Variants in REV1 observed in about 807,000 individuals in gnomAD.
REV1 encodes the protein translesion synthesis protein REV1.
A neutral mutation model predicts 137.4 loss-of-function variants in REV1; 42 were observed. The observed-to-expected ratio is 0.31, with a 90% CI of 0.24 to 0.40. REV1 has a LOEUF of 0.40. Among genes scored for constraint, REV1 ranks in the 10% least tolerant of loss-of-function variants. The pLI is 1.00. For synonymous variants in REV1, 524 were observed against 519.2 expected, an observed-to-expected ratio of 1.01 and a Z score of -0.12; for missense variants, 1,282 against 1,490.1, an observed-to-expected ratio of 0.86 and a Z score of 2.30.
In REV1 at chr2:99,402,947, G is replaced by A. The variant is rs1357603457; in HGVS notation, c.3326C>T (p.Pro1109Leu). ...TAGAAACCCATCAATTAACTTCTGG[G>A]GACTGCCACAGGCCCCTGGCAGAGT... Reference protein sequence around the residue: ...AKTLPGACGSPQKLIDGFLKH... With the variant: ...AKTLPGACGSLQKLIDGFLKH... Residue 1109 changes from proline to leucine, a missense_variant, in exon 20 of 23, where the codon CCC (proline) becomes CTC (leucine). Pro to Leu is a moderately conservative substitution (Grantham distance 98). Around this residue, in one of 7 missense-constraint regions of REV1, gnomAD observed 170 missense variants for 156.8 expected, o/e 1.08. Coordinates refer to ENST00000258428, the MANE Select transcript of REV1 (RefSeq NM_016316.4). 4 of 1,614,148 alleles carry A rather than the reference G, an allele frequency of 2.5e-6. No homozygotes were observed. The highest frequency in any genetic ancestry group is 3.4e-6 in the Non-Finnish European group (4 of 1,180,022).
At chr2:99,424,123 A>T (rs749697390) in intron 10 of REV1, 29 bp downstream of exon 10, 2 of 1,603,750 alleles carry the variant, frequency 1.2e-6, no homozygotes, top group Non-Finnish European at 1.7e-6. Context: ...GAAAACACAG[A>T]CACAAAATGA....
At chr2:99,420,330 C>T (rs1678492021) in intron 11 of REV1, among the ~76,000 whole-genome samples, 1 of 152,160 alleles carries the variant, frequency 6.6e-6, no homozygotes, top group African/African-American at 2.4e-5. Flanking sequence ...AACCTCTTAC[C>T]TGGAAGCACA....
At chr2:99,412,251 C>T (rs1677261016) in intron 13 of REV1, among the ~76,000 whole-genome samples, 2 of 103,482 alleles carry the variant, frequency 1.9e-5, no homozygotes, top group Admixed American at 1.1e-4. Context: ...AAGTGAGACT[C>T]CATCTCAAAA....
intron 9 of REV1, among the ~76,000 whole-genome samples, chr2:99,427,272 CA>C (rs1233529513): frequency 5.9e-5 from 9 of 152,122 alleles, no homozygotes; most frequent in African/African-American, 2.2e-4. Flanking sequence ...TGGGTCCTTA[CA>C]AAAGCACAAG....
intron 7 of REV1, 111 bp downstream of exon 7, chr2:99,435,723 C>T (rs558460444): frequency 1.2e-5 from 7 of 584,932 alleles, no homozygotes; most frequent in East Asian, 3.3e-5. Context: ...TTGGAAGAAC[C>T]GATTTTCCCA....
rs1205602730 is a variant in REV1, at chr2:99,438,556, C to A, written c.1213+45G>T. On this transcript the variant is annotated intron_variant, in intron 6 of 22. Transcript: ENST00000258428. ...AATAATAGCATAAGAGCAAAATGATCAAGCATGACTGTTTCTTAAGAAGAC... is the reference window on the plus strand; with the variant it reads ...AATAATAGCATAAGAGCAAAATGATAAAGCATGACTGTTTCTTAAGAAGAC... 2.1e-6 allele frequency: 3 copies of A among 1,435,792 alleles called. No homozygotes were observed. In the Admixed American group the frequency reaches 5.2e-5, roughly 25 times the overall value. 88.9% of individuals were successfully genotyped at this position (1,435,792 alleles called of 1,614,324 possible). A position where few individuals can be genotyped will look rare whatever the true frequency, so the allele number is the denominator to read the frequency against.
Position 99,464,999 on chromosome 2 carries a change from G to GAAA in REV1, c.-10-17_-10-15dup. 1 of 1,487,810 alleles carries GAAA rather than the reference G, an allele frequency of 6.7e-7. No individual in the cohort carries two copies. The highest frequency in any genetic ancestry group is 9.1e-7 in the Non-Finnish European group (1 of 1,097,612). 92.2% of individuals were successfully genotyped at this position (1,487,810 alleles called of 1,614,324 possible). On this transcript the variant is annotated splice_polypyrimidine_tract_variant and intron_variant, in intron 1 of 22. Transcript: ENST00000258428. ...ATGGTGGAGCTTCTGTATTGGGGAG[G>GAAA]AAAAAAAAAATGTCAATTTTATAAC... is the stretch of plus-strand genomic sequence containing the variant.
At chr2:99,448,583 T>A (rs534055682) in intron 4 of REV1, among the ~76,000 whole-genome samples, 6 of 152,192 alleles carry the variant, frequency 3.9e-5, no homozygotes, top group Non-Finnish European at 7.3e-5. Context: ...GTCCACATTA[T>A]CTTGATGTAT....
At chr2:99,402,066 G>A (rs1559270630) in intron 22 of REV1, among the ~76,000 whole-genome samples, 178 bp downstream of exon 22, 1 of 152,150 alleles carries the variant, frequency 6.6e-6, no homozygotes, top group Admixed American at 6.5e-5. Context: ...GTAAGACCTT[G>A]AGGGCAACAT....
chr2:99,482,854 T>C (rs1417389795), intron 1 of REV1, among the ~76,000 whole-genome samples: 3 of 151,844 alleles, frequency 2.0e-5, no homozygotes, highest in Admixed American at 2.0e-4. Flanking sequence ...CCGTCTCTAC[T>C]AAAAATACAA....
At chr2:99,452,093 C>T (rs989884841) in intron 3 of REV1, among the ~76,000 whole-genome samples, 1 of 151,900 alleles carries the variant, frequency 6.6e-6, no homozygotes, top group Non-Finnish European at 1.5e-5. Flanking sequence ...TTGTATTTAA[C>T]ACTCTCCTTT....
chr2:99,402,464 G>T, intron 21 of REV1, 118 bp from the exon 22 acceptor site: 2 of 801,764 alleles, frequency 2.5e-6, no homozygotes, highest in Non-Finnish European at 4.1e-6. Context: ...GCTATCAAAG[G>T]AATGGGCTTT....
At chr2:99,455,314 C>A (rs917769078) in intron 3 of REV1, among the ~76,000 whole-genome samples, 3 of 152,134 alleles carry the variant, frequency 2.0e-5, no homozygotes, top group Non-Finnish European at 4.4e-5. Context: ...ACAGAGAAAA[C>A]TTACTGTGCA....
chr2:99,408,326 AAG>A lies in REV1; in HGVS notation c.2346-197_2346-196del, dbSNP rs199866273. ...TAGTTACACTGGCAACCAAGGGGGA[AAG>A]AAAAATTATGGAACACTAGAACTTT... On this transcript the variant is annotated intron_variant, in intron 14 of 22. Transcript: ENST00000258428. The A allele has an allele frequency of 1.6e-3, 593 of 376,152 alleles. 3 individuals are homozygous for A. The highest frequency in any genetic ancestry group is 0.011 in the African/African-American group (553 of 48,142). 23.3% of individuals were successfully genotyped at this position (376,152 alleles called of 1,614,324 possible).
chr2:99,439,636 T>C (rs1681220299), intron 5 of REV1, among the ~76,000 whole-genome samples: 1 of 152,196 alleles, frequency 6.6e-6, no homozygotes. Flanking sequence ...AAATAGAACA[T>C]TTCTCATGGC....
At chr2:99,462,438 C>T in intron 3 of REV1, 58 bp downstream of exon 3, 1 of 1,474,542 alleles carries the variant, frequency 6.8e-7, no homozygotes, top group Non-Finnish European at 9.2e-7. Context: ...TAAAACAAAT[C>T]ATTCTCAATC....
At chr2:99,409,767 C>T (rs1676839155) in intron 14 of REV1, among the ~76,000 whole-genome samples, 1 of 150,424 alleles carries the variant, frequency 6.6e-6, no homozygotes, top group Non-Finnish European at 1.5e-5. Flanking sequence ...TGCTTGAACC[C>T]AGGAGGTAGA....
chr2:99,483,427 G>C (rs1450049940), intron 1 of REV1, among the ~76,000 whole-genome samples: 1 of 152,148 alleles, frequency 6.6e-6, no homozygotes, highest in Admixed American at 6.5e-5. Flanking sequence ...GCAACACTTT[G>C]CTTAATAGGC....
intron 2 of REV1, among the ~76,000 whole-genome samples, chr2:99,463,222 CAAT>C (rs1389425918): frequency 1.3e-5 from 2 of 151,648 alleles, no homozygotes; most frequent in East Asian, 3.9e-4. Context: ...AAAGCTAAGT[CAAT>C]AATAATAATA....
Sources: allele counts gnomAD v4.1 joint callset (sites outside exome capture counted in the v4.1 genomes callset), GRCh38; gene constraint gnomAD v4.1.1; regional missense constraint gnomAD v4.1.1; transcripts MANE v1.5; gene names NCBI Gene and HGNC (gene_info 2026-07-23, HGNC 2026-07-21).